Variants in PBX1 observed in about 807,000 individuals in gnomAD.
The protein encoded by PBX1 is pre-B-cell leukemia transcription factor 1.
In PBX1, 6 loss-of-function variants were observed where a neutral mutation model predicts 53.4. The observed-to-expected ratio is 0.11, with a 90% CI of 0.06 to 0.22. The LOEUF (loss-of-function observed/expected upper bound fraction) is 0.22. Among genes scored for constraint, PBX1 ranks in the 10% least tolerant of loss-of-function variants. PBX1 has a pLI of 1.00. For missense variants in PBX1, 251 were observed against 551.4 expected, an observed-to-expected ratio of 0.46 and a Z score of 5.46; for synonymous variants, 204 against 212.3, an observed-to-expected ratio of 0.96 and a Z score of 0.34.
chr1:164,686,575 TG>T (rs112802941), intron 2 of PBX1, among the ~76,000 whole-genome samples: 5,394 of 152,258 alleles, frequency 0.035, 120 homozygotes, highest in South Asian at 0.087. Context: ...GATGATAGAA[TG>T]GGGAAGGGAT....
intron 2 of PBX1, among the ~76,000 whole-genome samples, chr1:164,635,565 C>T (rs1021537061): frequency 1.3e-5 from 2 of 152,204 alleles, no homozygotes; most frequent in Non-Finnish European, 2.9e-5. Flanking sequence ...GGGTCTGAGG[C>T]GCGCGCGGGC....
At chr1:164,832,941 G>T (rs967033633) in intron 8 of PBX1, among the ~76,000 whole-genome samples, 3 of 151,968 alleles carry the variant, frequency 2.0e-5, no homozygotes, top group African/African-American at 7.2e-5. Flanking sequence ...ATAAAATAAG[G>T]AAGTGGTTTA....
At chr1:164,613,803 A>G (rs1357267802) in intron 2 of PBX1, among the ~76,000 whole-genome samples, 2 of 152,072 alleles carry the variant, frequency 1.3e-5, no homozygotes, top group Non-Finnish European at 2.9e-5. Context: ...GCACCTGACC[A>G]AACTCTTAGT....
At chr1:164,744,535 G>T (rs1353473474) in intron 2 of PBX1, among the ~76,000 whole-genome samples, 1 of 152,142 alleles carries the variant, frequency 6.6e-6, no homozygotes, top group Non-Finnish European at 1.5e-5. Flanking sequence ...GATCCTCTCA[G>T]AACTCTTTAA....
intron 2 of PBX1, among the ~76,000 whole-genome samples, chr1:164,878,912 C>A (rs187864762): frequency 9.2e-5 from 14 of 152,304 alleles, no homozygotes; most frequent in African/African-American, 3.1e-4. Context: ...GAAATTATGG[C>A]AGCCGGAGCA....
intron 2 of PBX1, among the ~76,000 whole-genome samples, chr1:164,596,685 AT>A (rs1182950226): frequency 6.6e-6 from 1 of 152,124 alleles, no homozygotes; most frequent in Non-Finnish European, 1.5e-5. Flanking sequence ...ATTCATCCTG[AT>A]TTTAGACACA....
intron 2 of PBX1, among the ~76,000 whole-genome samples, chr1:164,752,354 G>T (rs1666282388): frequency 6.6e-6 from 1 of 151,970 alleles, no homozygotes; most frequent in Admixed American, 6.6e-5. Flanking sequence ...GCATTTCTGA[G>T]TAAAGTAGTC....
chr1:164,633,020 A>T (rs1042439471), intron 2 of PBX1, among the ~76,000 whole-genome samples: 1 of 152,232 alleles, frequency 6.6e-6, no homozygotes, highest in African/African-American at 2.4e-5. Flanking sequence ...TCATACAATT[A>T]GTCAATGGCA....
rs566229618 is a variant in PBX1, at chr1:164,571,789, C to T, written c.265+8478C>T. On this transcript the variant is annotated intron_variant, in intron 2 of 8. Coordinates refer to ENST00000420696, the MANE Select transcript of PBX1 (RefSeq NM_002585.4). Reference sequence around the variant, plus strand: ...GTTTAGATTTTGAGAAAATGCCAAACGGTTTTACAGAGTGGCTGCAGTAGG... The same window carrying T: ...GTTTAGATTTTGAGAAAATGCCAAATGGTTTTACAGAGTGGCTGCAGTAGG... Among the ~76,000 whole-genome samples, 212 of 143,482 alleles carry T rather than the reference C, an allele frequency of 1.5e-3. 1 individual carries two copies. Among genetic ancestry groups the T allele is most frequent in the Non-Finnish European group, 2.1e-3 (137 of 66,816 alleles). 94.1% of individuals were successfully genotyped at this position (143,482 alleles called of 152,430 possible). A position where few individuals can be genotyped will look rare whatever the true frequency, so the allele number is the denominator to read the frequency against.
chr1:164,847,447 C>T lies in PBX1; in HGVS notation c.*771C>T. ...CCTACAGTCTTTCTTACCCTGCTAGCAATAGCTCTCAGTTTCAGAGGCACA... is the reference window on the plus strand; with the variant it reads ...CCTACAGTCTTTCTTACCCTGCTAGTAATAGCTCTCAGTTTCAGAGGCACA... On this transcript the variant is annotated 3_prime_UTR_variant, in exon 9 of 9. Coordinates refer to ENST00000420696, the MANE Select transcript of PBX1 (RefSeq NM_002585.4). 1.8e-5 allele frequency: 19 copies of T among 1,063,372 alleles called. No homozygotes were observed. Among genetic ancestry groups the T allele is most frequent in the Non-Finnish European group, 2.2e-5 (19 of 878,004 alleles). 65.9% of individuals were successfully genotyped at this position (1,063,372 alleles called of 1,614,324 possible). A position where few individuals can be genotyped will look rare whatever the true frequency, so the allele number is the denominator to read the frequency against.
At chr1:164,561,693 G>T (rs955761837) in intron 1 of PBX1, among the ~76,000 whole-genome samples, 2 of 152,168 alleles carry the variant, frequency 1.3e-5, no homozygotes, top group African/African-American at 4.8e-5. Context: ...TTGTGAAACT[G>T]TGGACAAACA....
chr1:164,692,879 C>T (rs190270384), intron 2 of PBX1, among the ~76,000 whole-genome samples: 87 of 152,224 alleles, frequency 5.7e-4, no homozygotes, highest in East Asian at 3.3e-3. Context: ...GAAAGGGAAT[C>T]GAAGAATGTA....
At chr1:164,594,822 G>A (rs1306906015) in intron 2 of PBX1, among the ~76,000 whole-genome samples, 1 of 152,134 alleles carries the variant, frequency 6.6e-6, no homozygotes, top group Non-Finnish European at 1.5e-5. Context: ...GTGCTCAGTA[G>A]CCACAGTGGC....
intron 8 of PBX1, among the ~76,000 whole-genome samples, chr1:164,835,154 A>G (rs1670970988): frequency 1.3e-5 from 2 of 152,082 alleles, no homozygotes; most frequent in African/African-American, 4.8e-5. Flanking sequence ...ACTTTAAATA[A>G]CTGCATAGGA....
At chr1:164,731,325 A>C (rs1664970209) in intron 2 of PBX1, among the ~76,000 whole-genome samples, 1 of 152,140 alleles carries the variant, frequency 6.6e-6, no homozygotes, top group Non-Finnish European at 1.5e-5. Context: ...AAAAAAAAAA[A>C]AAACTCTCTT....
rs1231289371 is a variant in PBX1 at position 164,751,581 on chromosome 1, C to CTT, written c.266-40896_266-40895dup. Among the ~76,000 whole-genome samples, 518 of 137,952 alleles carry CTT rather than the reference C, an allele frequency of 3.8e-3. 4 individuals carry two copies. The highest frequency in any genetic ancestry group is 0.024 in the Middle Eastern group (6 of 246). The allele number at this position is 137,952 out of a possible 152,430, so 90.5% of individuals were successfully genotyped here. A position where few individuals can be genotyped will look rare whatever the true frequency, so the allele number is the denominator to read the frequency against. On this transcript the variant is annotated intron_variant, in intron 2 of 8. Transcript: ENST00000420696. ...CAAATGTAATGGGTTTATTGCCCCCCTTTTTTTTTTTTTTTTTTGAGACAA... is the reference window on the plus strand; with the variant it reads ...CAAATGTAATGGGTTTATTGCCCCCCTTTTTTTTTTTTTTTTTTTTGAGACAA...
chr1:164,643,226 G>A (rs1057379332), intron 2 of PBX1, among the ~76,000 whole-genome samples: 3 of 152,114 alleles, frequency 2.0e-5, no homozygotes, highest in Admixed American at 2.0e-4. Context: ...CAGTTAAATG[G>A]GGCGTTGCAG....
intron 2 of PBX1, among the ~76,000 whole-genome samples, chr1:164,672,949 A>AT (rs772202729): frequency 6.6e-6 from 1 of 151,136 alleles, no homozygotes; most frequent in Non-Finnish European, 1.5e-5. Flanking sequence ...TTTTTCTTTT[A>AT]TTCTCTGTCT....
At chr1:164,838,072 A>G (rs1247787663) in intron 8 of PBX1, among the ~76,000 whole-genome samples, 2 of 152,198 alleles carry the variant, frequency 1.3e-5, no homozygotes, top group African/African-American at 4.8e-5. Flanking sequence ...TGGCATTAGG[A>G]TGTTGGCAGG....
Sources: gnomAD v4.1 joint callset for allele counts (sites outside exome capture counted in the v4.1 genomes callset) on GRCh38, gnomAD v4.1.1 for gene constraint, MANE v1.5 for transcripts, NCBI Gene and HGNC (gene_info 2026-07-23, HGNC 2026-07-21) for gene names.